The following BRD4 variants were observed in gnomAD, a reference collection of about 807,000 sequenced individuals.
BRD4 encodes bromodomain-containing protein 4.
In BRD4, 16 loss-of-function variants were observed where a neutral mutation model predicts 142.1. That is an observed-to-expected ratio of 0.11 (90% CI 0.08 to 0.17). BRD4 has a LOEUF of 0.17. Ranked by LOEUF, BRD4 falls within the 10% of genes least tolerant of loss-of-function variation. The pLI is 1.00. For missense variants in BRD4, 1,424 were observed against 1,810.9 expected (o/e 0.79, Z 3.88); for synonymous variants, 833 against 707.5 (o/e 1.18, Z -2.82).
chr19:15,257,799 G>A (rs1173672310), intron 7 of BRD4, among the ~76,000 whole-genome samples: 1 of 152,146 alleles, frequency 6.6e-6, no homozygotes, highest in Non-Finnish European at 1.5e-5. Flanking sequence ...CACAGGACAA[G>A]GTAAGAGAGG....
intron 1 of BRD4, among the ~76,000 whole-genome samples, chr19:15,293,124 AAAATAAAT>A (rs1216647651): frequency 7.9e-4 from 121 of 152,300 alleles, no homozygotes; most frequent in African/African-American, 2.9e-3. Flanking sequence ...CTGAAAGAAA[AAAATAAAT>A]AAATAAGCTC....
At chr19:15,254,384 C>T (rs562031506) in intron 10 of BRD4, 122 bp from the exon 11 acceptor site, 2 of 815,120 alleles carry the variant, frequency 2.5e-6, no homozygotes, top group South Asian at 3.1e-5. Context: ...ACGGTGGGCC[C>T]AGGGGCTGCT....
intron 1 of BRD4, among the ~76,000 whole-genome samples, chr19:15,323,600 G>T (rs1053021880): frequency 5.0e-4 from 76 of 152,110 alleles, no homozygotes; most frequent in African/African-American, 1.8e-3. Context: ...GCCTGAGAAG[G>T]AACAACTGCA....
In BRD4 at chr19:15,257,033, C is replaced by T. The variant is rs747045733; in HGVS notation, c.1482G>A (p.Ser494=). ...AGTCATCAGTCGAACTGTCACTGTC[C>T]GAGGAGCTATCGCTGCTGCTGTCGC... is the stretch of plus-strand genomic sequence containing the variant. ...SSSDSSSDSS[S]DSDSSTDDSE... Residue 494 remains serine, a synonymous_variant, in exon 8 of 20, where the codon TCG becomes TCA. Transcript: ENST00000679869. The T allele has an allele frequency of 6.3e-6, 10 of 1,596,482 alleles. No homozygotes were observed. The highest frequency in any genetic ancestry group is 1.8e-5 in the Admixed American group (1 of 56,590).
intron 1 of BRD4, among the ~76,000 whole-genome samples, chr19:15,284,080 T>G (rs1479713078): frequency 1.3e-5 from 2 of 152,140 alleles, no homozygotes; most frequent in African/African-American, 2.4e-5. Context: ...GAGCTGACGT[T>G]AATGGGATGA....
chr19:15,307,289 T>A (rs1465244137), intron 1 of BRD4, among the ~76,000 whole-genome samples: 1 of 152,180 alleles, frequency 6.6e-6, no homozygotes, highest in Non-Finnish European at 1.5e-5. Flanking sequence ...TCTGCTGTGC[T>A]TGACCCTCAT....
chr19:15,312,033 T>G (rs146595612), intron 1 of BRD4, among the ~76,000 whole-genome samples: 1 of 152,324 alleles, frequency 6.6e-6, no homozygotes, highest in East Asian at 1.9e-4. Context: ...CACTGTAAAA[T>G]GGTTAGGATG....
At chr19:15,300,843 A>T (rs545709539) in intron 1 of BRD4, among the ~76,000 whole-genome samples, 9 of 152,322 alleles carry the variant, frequency 5.9e-5, no homozygotes, top group African/African-American at 1.9e-4. Context: ...AGGGCGAAAA[A>T]TGATGCAACC....
chr19:15,258,246 G>A (rs1255120765), intron 7 of BRD4, among the ~76,000 whole-genome samples: 1 of 152,124 alleles, frequency 6.6e-6, no homozygotes, highest in Non-Finnish European at 1.5e-5. Flanking sequence ...CCTCTCCCAC[G>A]CTGCTGGAGC....
At chr19:15,260,037 A>G (rs2047452643) in intron 7 of BRD4, among the ~76,000 whole-genome samples, 1 of 152,178 alleles carries the variant, frequency 6.6e-6, no homozygotes, top group Admixed American at 6.5e-5. Context: ...TTGGGCTGAC[A>G]GTCTCTTGAG....
rs372050564 is a variant in BRD4, at chr19:15,241,610, T to A, written c.3169+1290A>T. Among the ~76,000 whole-genome samples the A allele has an allele frequency of 8.5e-5, 13 of 152,192 alleles. No individual in the cohort carries two copies. In the East Asian group the frequency reaches 2.3e-3, roughly 27 times the overall value. On this transcript the variant is annotated intron_variant, in intron 14 of 19. Transcript: ENST00000679869. Reference sequence around the variant, plus strand: ...GAAGACCTGCCTCAGCCCCGATAGGTGCCTGGTGCACCCGAGTGCTGGCTC... The same window carrying A: ...GAAGACCTGCCTCAGCCCCGATAGGAGCCTGGTGCACCCGAGTGCTGGCTC...
rs559867489 is a variant in BRD4 at position 15,263,524 on chromosome 19, G to A, written c.1237C>T (p.Arg413Cys). 4.3e-5 allele frequency: 70 copies of A among 1,614,224 alleles called. No homozygotes were observed. Among genetic ancestry groups the A allele is most frequent in the Middle Eastern group, 3.3e-4 (2 of 6,062 alleles). The change falls in exon 7 of 20, where the codon CGT (arginine) becomes TGT (cysteine). Residue 413 changes from arginine (R) to cysteine (C), a missense_variant. By Grantham distance (180) the Arg-to-Cys change is radical. Coordinates refer to ENST00000679869, the MANE Select transcript of BRD4 (RefSeq NM_001379291.1). The part of the protein sequence containing the change: ...IKSKLEAREY[R>C]DAQEFGADVR... ...TCAGCACCAAACTCCTGAGCATCAC[G>A]GTACTCACGGGCCTCCAGTTTAGAC...
At position 15,236,788 on chromosome 19, in the gene BRD4, T is replaced by C. The variant is rs551328609; in HGVS notation, c.*1589A>G. 1.1e-5 allele frequency: 2 copies of C among 177,962 alleles called. No homozygotes were observed. The highest frequency in any genetic ancestry group is 1.9e-4 in the East Asian group (2 of 10,760). 11.0% of individuals were successfully genotyped at this position (177,962 alleles called of 1,614,324 possible). On this transcript the variant is annotated 3_prime_UTR_variant, in exon 20 of 20. Coordinates refer to ENST00000679869, the MANE Select transcript of BRD4 (RefSeq NM_001379291.1). Reference sequence around the variant, plus strand: ...TGGGGTCCAGGGGGTCCCCTGGGCCTAGCCTAGGCAACAGTTGGTTCACAA... The same window carrying C: ...TGGGGTCCAGGGGGTCCCCTGGGCCCAGCCTAGGCAACAGTTGGTTCACAA...
At position 15,236,948 on chromosome 19, in the gene BRD4, C is replaced by A. The variant is rs2047196376; in HGVS notation, c.*1429G>T. The A allele has an allele frequency of 4.8e-6, 1 of 206,886 alleles. No individual in the cohort carries two copies. Among genetic ancestry groups the A allele is most frequent in the African/African-American group, 2.3e-5 (1 of 43,382 alleles). The allele number at this position is 206,886 out of a possible 1,614,324, so 12.8% of individuals were successfully genotyped here. On this transcript the variant is annotated 3_prime_UTR_variant, in exon 20 of 20. Transcript: ENST00000679869. ...CCAGAGTTTGGCCAACACTGAGGCA[C>A]CAGCGTCGTGGTGTAGAGTGGGTTC...
rs1227440831 is a variant in BRD4, at chr19:15,329,224, T to C, written c.-35+3066A>G. ...TTCTAGACACCAAAAATCACAAAGA[T>C]TTATGAAACATTAGGAGCTCCAATG... On this transcript the variant is annotated intron_variant, in intron 1 of 19. Coordinates refer to ENST00000679869, the MANE Select transcript of BRD4 (RefSeq NM_001379291.1). Among the ~76,000 whole-genome samples, 4 of 152,126 alleles carry C rather than the reference T, an allele frequency of 2.6e-5. No individual in the cohort carries two copies. In the East Asian group the frequency reaches 7.7e-4, roughly 29 times the overall value.
chr19:15,241,708 C>T (rs1244161912), intron 14 of BRD4, among the ~76,000 whole-genome samples: 1 of 152,010 alleles, frequency 6.6e-6, no homozygotes, highest in Non-Finnish European at 1.5e-5. Flanking sequence ...AGAACAGGCA[C>T]AGCCGCACAG....
chr19:15,253,876 C>T (rs777554451), intron 11 of BRD4: 166 of 1,131,124 alleles, frequency 1.5e-4, no homozygotes, highest in Non-Finnish European at 1.9e-4. Flanking sequence ...ATCCAGGGCT[C>T]CGCAGTGTCA....
chr19:15,310,154 T>C (rs533657805), intron 1 of BRD4, among the ~76,000 whole-genome samples: 1 of 151,188 alleles, frequency 6.6e-6, no homozygotes, highest in South Asian at 2.1e-4. Flanking sequence ...AGCCCACTGA[T>C]AGGATGAGTC....
intron 3 of BRD4, chr19:15,268,267 CA>C (rs1167315876): frequency 6.6e-6 from 1 of 152,664 alleles, no homozygotes; most frequent in Non-Finnish European, 1.5e-5. Context: ...ATTTTAATCA[CA>C]TCTGTGGTCT....
Sources: allele counts gnomAD v4.1 joint callset (sites outside exome capture counted in the v4.1 genomes callset), GRCh38; gene constraint gnomAD v4.1.1; transcripts MANE v1.5; gene names NCBI Gene and HGNC (gene_info 2026-07-23, HGNC 2026-07-21).